The following PTPRO variants were observed in gnomAD, a reference collection of about 807,000 sequenced individuals.
The protein encoded by PTPRO is protein tyrosine phosphatase receptor type O.
A neutral mutation model predicts 145.2 loss-of-function variants in PTPRO; 62 were observed. That is an observed-to-expected ratio of 0.43 (90% CI 0.35 to 0.53). PTPRO has a LOEUF of 0.53. Ranked by LOEUF, PTPRO falls within the 20% of genes least tolerant of loss-of-function variation. The pLI is 0.01. For synonymous variants in PTPRO, 565 were observed against 514.7 expected (o/e 1.10, Z -1.32); for missense variants, 1,345 against 1,482.7 (o/e 0.91, Z 1.53).
At chr12:15,438,104 A>G (rs992692740) in intron 1 of PTPRO, among the ~76,000 whole-genome samples, 2 of 152,226 alleles carry the variant, frequency 1.3e-5, no homozygotes, top group African/African-American at 4.8e-5. Context: ...ATAGAAGAAA[A>G]ACTGAAAGAC....
intron 1 of PTPRO, among the ~76,000 whole-genome samples, chr12:15,371,278 G>A (rs543537025): frequency 5.2e-4 from 78 of 151,438 alleles, no homozygotes; most frequent in African/African-American, 1.8e-3. Context: ...TGTCGCCCAG[G>A]CTGGAGTGCA....
At chr12:15,526,736 T>C (rs1156935494) in intron 12 of PTPRO, among the ~76,000 whole-genome samples, 1 of 152,046 alleles carries the variant, frequency 6.6e-6, no homozygotes, top group Non-Finnish European at 1.5e-5. Context: ...TAAAATAATA[T>C]GGATTTCCTA....
At chr12:15,364,940 A>G (rs1938317300) in intron 1 of PTPRO, among the ~76,000 whole-genome samples, 1 of 152,192 alleles carries the variant, frequency 6.6e-6, no homozygotes, top group Non-Finnish European at 1.5e-5. Context: ...GGGTCCAGAA[A>G]CAATGCCATT....
rs183895697 is a variant in PTPRO, at chr12:15,429,963, C to A, written c.76-54011C>A. ...ATTGTACAAATGGATGGGTGGTGGA[C>A]CATTTATTTTCTGAAACAGAGAAAT... On this transcript the variant is annotated intron_variant, in intron 1 of 26. Coordinates refer to ENST00000281171, the MANE Select transcript of PTPRO (RefSeq NM_030667.3). Among the ~76,000 whole-genome samples, 11 of 151,630 alleles carry A rather than the reference C, an allele frequency of 7.3e-5. 1 individual carries two copies. Among genetic ancestry groups the A allele is most frequent in the Admixed American group, 7.2e-4 (11 of 15,226 alleles).
chr12:15,580,683 C>T lies in PTPRO; in HGVS notation c.2998-14C>T. 1 of 1,613,974 alleles carries T rather than the reference C, an allele frequency of 6.2e-7. No individual in the cohort carries two copies. The highest frequency in any genetic ancestry group is 1.3e-5 in the African/African-American group (1 of 75,014). On this transcript the variant is annotated splice_polypyrimidine_tract_variant and intron_variant, in intron 21 of 26. Coordinates refer to ENST00000281171, the MANE Select transcript of PTPRO (RefSeq NM_030667.3). The stretch of plus-strand genomic sequence containing the variant: ...GTGTCTGGTTAGGTGATAATTTTGT[C>T]ACTTATCTTTCAGGGATACAACTCA...
Position 15,454,296 on chromosome 12 carries a change from A to C in PTPRO, c.76-29678A>C, listed in dbSNP as rs556124049. Among the ~76,000 whole-genome samples the C allele has an allele frequency of 3.9e-5, 6 of 152,252 alleles. No homozygotes were observed. In the South Asian group the frequency reaches 1.2e-3, roughly 32 times the overall value. ...ATAAGTCACTGTGGACTTGATTTGCATTTCCCTGATTGTAAGTGATGTTGA... is the reference window on the plus strand; with the variant it reads ...ATAAGTCACTGTGGACTTGATTTGCCTTTCCCTGATTGTAAGTGATGTTGA... On this transcript the variant is annotated intron_variant, in intron 1 of 26. Transcript: ENST00000281171.
intron 19 of PTPRO, among the ~76,000 whole-genome samples, chr12:15,575,989 G>C (rs1944177074): frequency 6.6e-6 from 1 of 152,144 alleles, no homozygotes; most frequent in South Asian, 2.1e-4. Context: ...AGGTTCTGGG[G>C]GTTAGGAGGT....
At chr12:15,593,599 C>CAACGA (rs1003019588) in intron 25 of PTPRO, among the ~76,000 whole-genome samples, 2 of 152,168 alleles carry the variant, frequency 1.3e-5, no homozygotes, top group Admixed American at 6.5e-5. Context: ...AAATTACCTA[C>CAACGA]AACTCTATAA....
intron 1 of PTPRO, among the ~76,000 whole-genome samples, chr12:15,373,158 T>G (rs1327100455): frequency 6.6e-6 from 1 of 152,188 alleles, no homozygotes; most frequent in Non-Finnish European, 1.5e-5. Flanking sequence ...ATAACTAAAA[T>G]GCTAGGTAAA....
chr12:15,362,865 T>C (rs1004724017), intron 1 of PTPRO, among the ~76,000 whole-genome samples: 1 of 152,230 alleles, frequency 6.6e-6, no homozygotes, highest in African/African-American at 2.4e-5. Context: ...AAGTTAAGTG[T>C]TCTTGCTGTT....
At chr12:15,498,293 G>T (rs182608795) in intron 3 of PTPRO, among the ~76,000 whole-genome samples, 1 of 152,146 alleles carries the variant, frequency 6.6e-6, no homozygotes, top group Non-Finnish European at 1.5e-5. Flanking sequence ...GGTGGCTCAC[G>T]CCTGTAATCC....
At chr12:15,460,461 T>A (rs952941438) in intron 1 of PTPRO, among the ~76,000 whole-genome samples, 3 of 152,208 alleles carry the variant, frequency 2.0e-5, no homozygotes, top group African/African-American at 7.2e-5. Flanking sequence ...CTCAATTTCT[T>A]ATTTTTCTAT....
In PTPRO at chr12:15,586,901, A is replaced by G; in HGVS notation, c.3260A>G (p.Asp1087Gly). 1 of 1,614,018 alleles carries G rather than the reference A, an allele frequency of 6.2e-7. No homozygotes were observed. Among genetic ancestry groups the G allele is most frequent in the Non-Finnish European group, 8.5e-7 (1 of 1,179,956 alleles). ...TTTTGGCTTTTTTCTCTAAAGGCTGACGAGATGCAGGATGTGATGCATTTT... is the reference window on the plus strand; with the variant it reads ...TTTTGGCTTTTTTCTCTAAAGGCTGGCGAGATGCAGGATGTGATGCATTTT... ...ACRHFRINYA[D>G]EMQDVMHFNY... Residue 1087 changes from aspartate to glycine, a missense_variant, in exon 24 of 27, where the codon GAC (aspartate) becomes GGC (glycine). Physicochemically the swap from Asp to Gly is moderately conservative, Grantham distance 94. Around this residue, in one of 3 missense-constraint regions of PTPRO, gnomAD observed 208 missense variants for 242.8 expected, o/e 0.86. Transcript: ENST00000281171.
chr12:15,509,696 G>A (rs28676635), intron 7 of PTPRO, among the ~76,000 whole-genome samples: 63 of 140,380 alleles, frequency 4.5e-4, no homozygotes, highest in Middle Eastern at 3.6e-3. Context: ...CAAAAAAAAA[G>A]AAAAAAAAAA....
At chr12:15,464,273 G>GT (rs1459751239) in intron 1 of PTPRO, among the ~76,000 whole-genome samples, 1 of 152,140 alleles carries the variant, frequency 6.6e-6, no homozygotes, top group Non-Finnish European at 1.5e-5. Flanking sequence ...ATTAACATTG[G>GT]TTTTTTCAAA....
intron 13 of PTPRO, among the ~76,000 whole-genome samples, chr12:15,547,171 T>C (rs529258157): frequency 2.0e-5 from 3 of 152,308 alleles, no homozygotes; most frequent in South Asian, 4.1e-4. Flanking sequence ...GACAGGTCCA[T>C]TCGACCAAGA....
intron 25 of PTPRO, 104 bp from the exon 26 acceptor site, chr12:15,594,833 G>C (rs1049724420): frequency 1.3e-6 from 1 of 780,620 alleles, no homozygotes; most frequent in Non-Finnish European, 2.2e-6. Context: ...TAATGAAAAT[G>C]GTTTCCTTTA....
chr12:15,488,470 C>T (rs936167730), intron 2 of PTPRO, among the ~76,000 whole-genome samples: 10 of 152,190 alleles, frequency 6.6e-5, no homozygotes, highest in Admixed American at 6.5e-5. Flanking sequence ...CTAACATTAT[C>T]TGTCAGTTAA....
intron 19 of PTPRO, among the ~76,000 whole-genome samples, chr12:15,569,915 G>A (rs143160473): frequency 1.5e-3 from 228 of 152,264 alleles, no homozygotes; most frequent in African/African-American, 5.2e-3. Flanking sequence ...GACCCCCTTT[G>A]TGTCCTGGGC....
Sources: allele counts gnomAD v4.1 joint callset (sites outside exome capture counted in the v4.1 genomes callset), GRCh38; gene constraint gnomAD v4.1.1; regional missense constraint gnomAD v4.1.1; transcripts MANE v1.5; gene names NCBI Gene and HGNC (gene_info 2026-07-23, HGNC 2026-07-21).